BNIP3L: variants seen among roughly 807,000 people sequenced by gnomAD.
BNIP3L encodes BCL2/adenovirus E1B 19 kDa protein-interacting protein 3-like.
Under a neutral mutation model 25.5 loss-of-function variants are expected in BNIP3L, and 10 were observed. That is an observed-to-expected ratio of 0.39 (90% CI 0.24 to 0.67). The LOEUF is 0.67. BNIP3L is among the 30% of genes least tolerant of loss of function. The pLI, the probability that BNIP3L is intolerant of heterozygous loss-of-function variation, is 0.45. For missense variants in BNIP3L, 215 were observed against 270.9 expected (o/e 0.79, Z 1.45); for synonymous variants, 113 against 101.2 (o/e 1.12, Z -0.70).
chr8:26,385,475 C>A (rs1033721406), intron 1 of BNIP3L, among the ~76,000 whole-genome samples: 3 of 151,786 alleles, frequency 2.0e-5, no homozygotes, highest in Non-Finnish European at 4.4e-5. Flanking sequence ...TGGTGTTGGG[C>A]GCCTGTAATC....
At chr8:26,392,566 C>T (rs1563338879) in intron 2 of BNIP3L, among the ~76,000 whole-genome samples, 1 of 152,102 alleles carries the variant, frequency 6.6e-6, no homozygotes, top group Admixed American at 6.6e-5. Context: ...GCACACTGTG[C>T]ACCCCCGCCA....
chr8:26,410,258 G>C, intron 5 of BNIP3L, 106 bp from the exon 6 acceptor site: 2 of 1,320,864 alleles, frequency 1.5e-6, no homozygotes, highest in Non-Finnish European at 2.1e-6. Context: ...CAAACCTTTA[G>C]AGCCTTTTAC....
At position 26,383,897 on chromosome 8, in the gene BNIP3L, ATT is replaced by A. The variant is rs35370895; in HGVS notation, c.100+679_100+680del. Among the ~76,000 whole-genome samples the A allele has an allele frequency of 2.8e-3, 419 of 149,044 alleles. 9 individuals carry two copies. In the South Asian group the frequency reaches 0.057, roughly 20 times the overall value. ...TAGATTTCTCGAAGTTGCCCAAGTG[ATT>A]TTTTTTTTTTTAAAGCGATGGGTTG... On this transcript the variant is annotated intron_variant, in intron 1 of 5. Coordinates refer to ENST00000380629, the MANE Select transcript of BNIP3L (RefSeq NM_004331.3).
At chr8:26,384,431 T>C (rs1272324659) in intron 1 of BNIP3L, among the ~76,000 whole-genome samples, 2 of 152,244 alleles carry the variant, frequency 1.3e-5, no homozygotes, top group Non-Finnish European at 2.9e-5. Context: ...TTAAGTGTCA[T>C]ATATTCCAGA....
chr8:26,407,992 C>G lies in BNIP3L; in HGVS notation c.358-8C>G. 6.2e-7 allele frequency: 1 copy of G among 1,613,052 alleles called. No homozygotes were observed. The stretch of plus-strand genomic sequence containing the variant: ...TTTTTTTCTTAAAGTTTGAATTCTT[C>G]TTTACAGTCAGAAGAAGAAGTTGTA... On this transcript the variant is annotated splice_polypyrimidine_tract_variant and splice_region_variant and intron_variant, in intron 3 of 5. Transcript: ENST00000380629.
rs925328978 is a variant in BNIP3L at position 26,383,065 on chromosome 8, G to C, written c.-66G>C. The C allele has an allele frequency of 2.1e-6, 3 of 1,436,640 alleles. No individual in the cohort carries two copies. Among genetic ancestry groups the C allele is most frequent in the Non-Finnish European group, 2.8e-6 (3 of 1,055,474 alleles). 89.0% of individuals were successfully genotyped at this position (1,436,640 alleles called of 1,614,324 possible). ...GAAAAGGGGGCGGCGGACTCGGCTT[G>C]TTGTGTTGCTGCCTGAGTGCCGGAG... On this transcript the variant is annotated 5_prime_UTR_variant, in exon 1 of 6. Coordinates refer to ENST00000380629, the MANE Select transcript of BNIP3L (RefSeq NM_004331.3).
chr8:26,383,073 G>A lies in BNIP3L; in HGVS notation c.-58G>A. 1 of 1,468,750 alleles carries A rather than the reference G, an allele frequency of 6.8e-7. No individual in the cohort carries two copies. Among genetic ancestry groups the A allele is most frequent in the Non-Finnish European group, 9.3e-7 (1 of 1,079,278 alleles). The allele number at this position is 1,468,750 out of a possible 1,614,324, so 91.0% of individuals were successfully genotyped here. ...GGCGGCGGACTCGGCTTGTTGTGTT[G>A]CTGCCTGAGTGCCGGAGACGGTCCT... On this transcript the variant is annotated 5_prime_UTR_variant, in exon 1 of 6. Transcript: ENST00000380629.
At chr8:26,396,358 G>A (rs1403132537) in intron 3 of BNIP3L, among the ~76,000 whole-genome samples, 30 of 78,302 alleles carry the variant, frequency 3.8e-4, no homozygotes, top group East Asian at 2.3e-3. Context: ...CCCCCAGCAG[G>A]GGCACACTGA....
chr8:26,407,727 C>G (rs747162791), intron 3 of BNIP3L, among the ~76,000 whole-genome samples: 1 of 152,230 alleles, frequency 6.6e-6, no homozygotes, highest in Non-Finnish European at 1.5e-5. Flanking sequence ...TTTCATACTT[C>G]CCTTAGCATT....
intron 2 of BNIP3L, among the ~76,000 whole-genome samples, chr8:26,394,600 T>C (rs1025098147): frequency 6.6e-6 from 1 of 152,236 alleles, no homozygotes; most frequent in African/African-American, 2.4e-5. Flanking sequence ...GGCATTGTTT[T>C]ACACATTTAC....
chr8:26,383,494 C>G (rs117982737), intron 1 of BNIP3L: 3 of 1,112,240 alleles, frequency 2.7e-6, no homozygotes, highest in Middle Eastern at 3.9e-4. Context: ...GCGGATCCCC[C>G]TGGTGCGGGG....
intron 3 of BNIP3L, among the ~76,000 whole-genome samples, chr8:26,402,209 CAA>C (rs1340436839): frequency 6.6e-6 from 1 of 152,148 alleles, no homozygotes; most frequent in African/African-American, 2.4e-5. Context: ...GGATTCAACA[CAA>C]ATTTATTTTA....
chr8:26,410,249 A>G (rs1354720929), intron 5 of BNIP3L, 115 bp from the exon 6 acceptor site: 2 of 1,224,540 alleles, frequency 1.6e-6, no homozygotes, highest in Non-Finnish European at 2.3e-6. Flanking sequence ...CGGTACCCAC[A>G]AACCTTTAGA....
In BNIP3L at chr8:26,396,538, A is replaced by AAAACTGG. The variant is rs1391788673; in HGVS notation, c.357+1242_357+1248dup. Among the ~76,000 whole-genome samples, 4 of 137,114 alleles carry AAAACTGG rather than the reference A, an allele frequency of 2.9e-5. No homozygotes were observed. In the Admixed American group the frequency reaches 2.9e-4, roughly 10 times the overall value. The allele number at this position is 137,114 out of a possible 152,430, so 90.0% of individuals were successfully genotyped here. On this transcript the variant is annotated intron_variant, in intron 3 of 5. Coordinates refer to ENST00000380629, the MANE Select transcript of BNIP3L (RefSeq NM_004331.3). ...AAAGATGGGGAAAAAACAGAACAGA[A>AAAACTGG]AAACTGGAAACTCTAAAACACAGAG...
At chr8:26,403,084 A>G (rs1405804518) in intron 3 of BNIP3L, among the ~76,000 whole-genome samples, 2 of 152,164 alleles carry the variant, frequency 1.3e-5, no homozygotes, top group Non-Finnish European at 2.9e-5. Flanking sequence ...TCTCAGGACC[A>G]AATCCCTAAA....
chr8:26,385,862 T>G (rs781781021), intron 1 of BNIP3L, among the ~76,000 whole-genome samples: 6 of 152,198 alleles, frequency 3.9e-5, no homozygotes, highest in Non-Finnish European at 8.8e-5. Flanking sequence ...ATTTAATTAC[T>G]CCCTTCTTGC....
chr8:26,387,486 T>C (rs1007704408), intron 1 of BNIP3L, among the ~76,000 whole-genome samples: 1 of 152,230 alleles, frequency 6.6e-6, no homozygotes, highest in Admixed American at 6.5e-5. Flanking sequence ...AAACCTCTTA[T>C]CTAGCCTTGT....
In BNIP3L at chr8:26,411,967, A is replaced by G. The variant is rs1208325879; in HGVS notation, c.*1555A>G. On this transcript the variant is annotated 3_prime_UTR_variant, in exon 6 of 6. Coordinates refer to ENST00000380629, the MANE Select transcript of BNIP3L (RefSeq NM_004331.3). ...TTGCAGAAACTAACTCTTTTCTCAC[A>G]TCAACATTTGTAAAATTGATGTGTT... 1 of 152,676 alleles carries G rather than the reference A, an allele frequency of 6.5e-6. No homozygotes were observed. Among genetic ancestry groups the G allele is most frequent in the East Asian group, 1.9e-4 (1 of 5,200 alleles). The allele number at this position is 152,676 out of a possible 1,614,324, so 9.5% of individuals were successfully genotyped here.
intron 2 of BNIP3L, among the ~76,000 whole-genome samples, chr8:26,392,529 G>T (rs1219751360): frequency 1.3e-5 from 2 of 152,184 alleles, no homozygotes; most frequent in African/African-American, 4.8e-5. Flanking sequence ...TGCCAAGGCA[G>T]CGGGGGACTG....
Sources: allele counts gnomAD v4.1 joint callset (sites outside exome capture counted in the v4.1 genomes callset), GRCh38; gene constraint gnomAD v4.1.1; transcripts MANE v1.5; gene names NCBI Gene and HGNC (gene_info 2026-07-23, HGNC 2026-07-21).